The following CEP63 variants were observed in gnomAD, a reference collection of about 807,000 sequenced individuals.
CEP63 encodes the protein centrosomal protein 63, also known as centrosomal protein of 63 kDa.
In CEP63, 84 loss-of-function variants were observed where a neutral mutation model predicts 89.1. The ratio of observed to expected loss-of-function variants is 0.94; its 90% CI spans 0.79 to 1.13. The LOEUF is 1.13. Among genes scored for constraint, CEP63 ranks in the 50% most tolerant of loss-of-function variants. The probability of loss-of-function intolerance (pLI) is 0.00; values close to 1 mark genes in which losing one functional copy is unlikely to be tolerated. For missense variants in CEP63, 838 were observed against 813.3 expected, an observed-to-expected ratio of 1.03 and a Z score of -0.37; for synonymous variants, 267 against 272.5, an observed-to-expected ratio of 0.98 and a Z score of 0.20.
chr3:134,759,103 C>G, the CEP63 span, among the ~76,000 whole-genome samples: 3 of 152,168 alleles, frequency 2.0e-5, no homozygotes, highest in African/African-American at 7.2e-5. Context: ...ACAGATTCTC[C>G]CCTAGAGCCT....
chr3:134,505,009 A>C (rs1943093910), intron 2 of CEP63, among the ~76,000 whole-genome samples: 2 of 152,146 alleles, frequency 1.3e-5, no homozygotes, highest in Admixed American at 1.3e-4. Context: ...CTTTCAGAAC[A>C]TAAATTGTTT....
At chr3:134,683,653 T>C in the CEP63 span, among the ~76,000 whole-genome samples, 172 of 152,136 alleles carry the variant, frequency 1.1e-3, no homozygotes, top group Non-Finnish European at 2.0e-3. Flanking sequence ...GTTTCAGACA[T>C]GGGGTTTGAA....
the CEP63 span, among the ~76,000 whole-genome samples, chr3:134,622,563 A>C: frequency 6.6e-6 from 1 of 152,210 alleles, no homozygotes; most frequent in South Asian, 2.1e-4. Context: ...GGGAGGAGAA[A>C]TGGGAATTTC....
the CEP63 span, among the ~76,000 whole-genome samples, chr3:134,706,284 C>G: frequency 1.3e-5 from 2 of 152,220 alleles, no homozygotes; most frequent in East Asian, 3.9e-4. Context: ...GGTTCTTGGT[C>G]GATCTGTAGG....
the CEP63 span, among the ~76,000 whole-genome samples, chr3:134,734,264 A>T: frequency 6.6e-6 from 1 of 152,228 alleles, no homozygotes; most frequent in Non-Finnish European, 1.5e-5. Context: ...ATACTGTGGT[A>T]CATTTGTACC....
intron 3 of CEP63, among the ~76,000 whole-genome samples, chr3:134,528,344 C>T (rs372805858): frequency 1.3e-5 from 2 of 152,182 alleles, no homozygotes; most frequent in African/African-American, 4.8e-5. Context: ...TGCCCTCCCC[C>T]TGGTTTTTTT....
the CEP63 span, chr3:134,647,471 G>A: frequency 1.6e-5 from 25 of 1,612,020 alleles, no homozygotes; most frequent in Non-Finnish European, 2.0e-5. Flanking sequence ...TGCCATCTTC[G>A]GACTCCATTT....
At chr3:134,647,712 AG>A in the CEP63 span, among the ~76,000 whole-genome samples, 1 of 152,250 alleles carries the variant, frequency 6.6e-6, no homozygotes, top group African/African-American at 2.4e-5. Context: ...CAAGGGCAGC[AG>A]GGTTGGTTAT....
At chr3:134,622,342 G>A in the CEP63 span, among the ~76,000 whole-genome samples, 1 of 152,148 alleles carries the variant, frequency 6.6e-6, no homozygotes. Flanking sequence ...AAATAAAATA[G>A]AGTATATACC....
intron 11 of CEP63, among the ~76,000 whole-genome samples, chr3:134,574,201 C>T (rs1226597521): frequency 6.6e-6 from 1 of 152,190 alleles, no homozygotes; most frequent in Non-Finnish European, 1.5e-5. Flanking sequence ...AAGATAATTG[C>T]TCACTGCCGA....
At chr3:134,614,544 CA>C in the CEP63 span, among the ~76,000 whole-genome samples, 2 of 152,020 alleles carry the variant, frequency 1.3e-5, no homozygotes, top group African/African-American at 4.8e-5. Context: ...ACATGGCCAC[CA>C]AATGTGGCCT....
At chr3:134,657,845 A>C in the CEP63 span, among the ~76,000 whole-genome samples, 1 of 152,350 alleles carries the variant, frequency 6.6e-6, no homozygotes, top group South Asian at 2.1e-4. Context: ...CTATTGGTAC[A>C]TCAACCTTTG....
chr3:134,594,451 CA>C, the CEP63 span, among the ~76,000 whole-genome samples: 1 of 152,194 alleles, frequency 6.6e-6, no homozygotes, highest in Non-Finnish European at 1.5e-5. Flanking sequence ...CTGATAGAAA[CA>C]AAGCAATCTC....
chr3:134,578,314 T>A (rs1274304989), downstream of CEP63, among the ~76,000 whole-genome samples: 3 of 118,382 alleles, frequency 2.5e-5, no homozygotes, highest in Non-Finnish European at 5.2e-5. Flanking sequence ...ATCGTCATTC[T>A]GACTTGTGTT....
chr3:134,531,828 C>T lies in CEP63; in HGVS notation c.223-17C>T. The T allele has an allele frequency of 6.3e-7, 1 of 1,574,990 alleles. No individual in the cohort carries two copies. Among genetic ancestry groups the T allele is most frequent in the Middle Eastern group, 1.7e-4 (1 of 5,966 alleles). ...CAATGCTAATAGTGAAAAATACTACCACCTTTCTGCTTTTAGGTTGGAATG... is the reference window on the plus strand; with the variant it reads ...CAATGCTAATAGTGAAAAATACTACTACCTTTCTGCTTTTAGGTTGGAATG... On this transcript the variant is annotated splice_polypyrimidine_tract_variant and intron_variant, in intron 3 of 14. Transcript: ENST00000675561.
intron 3 of CEP63, among the ~76,000 whole-genome samples, chr3:134,516,534 T>G (rs2108649869): frequency 6.6e-6 from 1 of 152,264 alleles, no homozygotes; most frequent in South Asian, 2.1e-4. Flanking sequence ...TGAGGCCGAA[T>G]TTCAGACTAT....
At chr3:134,742,248 C>G in the CEP63 span, among the ~76,000 whole-genome samples, 5 of 152,090 alleles carry the variant, frequency 3.3e-5, no homozygotes, top group African/African-American at 1.2e-4. Flanking sequence ...GGGTCTTCTT[C>G]CATCTGCAAG....
At chr3:134,709,562 A>C in the CEP63 span, among the ~76,000 whole-genome samples, 15 of 152,172 alleles carry the variant, frequency 9.9e-5, no homozygotes, top group Admixed American at 1.3e-4. Context: ...TCTTCTTCCC[A>C]CACTGGACTT....
chr3:134,533,422 A>C (rs1950212760), intron 5 of CEP63, among the ~76,000 whole-genome samples: 1 of 152,218 alleles, frequency 6.6e-6, no homozygotes, highest in South Asian at 2.1e-4. Flanking sequence ...CACTTTTCGT[A>C]CAAAGTAATC....
Sources: allele counts gnomAD v4.1 joint callset (sites outside exome capture counted in the v4.1 genomes callset), GRCh38; gene constraint gnomAD v4.1.1; transcripts MANE v1.5; gene names NCBI Gene and HGNC (gene_info 2026-07-23, HGNC 2026-07-21).